Variants in HEMK2 observed in about 807,000 individuals in gnomAD.
HEMK2 encodes the protein HemK methyltransferase 2, ETF1 glutamine and histone H4 lysine, also known as methyltransferase HEMK2.
chr21:28,620,846 G>C, the HEMK2 span, among the ~76,000 whole-genome samples: 57 of 151,068 alleles, frequency 3.8e-4, no homozygotes, highest in African/African-American at 1.2e-3. Flanking sequence ...GCTTATTTTT[G>C]TATTTTTAGT....
chr21:28,878,481 C>T, the HEMK2 span: 2 of 786,518 alleles, frequency 2.5e-6, no homozygotes, highest in East Asian at 2.8e-5. Context: ...ATCTAAGTTT[C>T]ATCATTTTCT....
At chr21:28,576,454 G>T in the HEMK2 span, among the ~76,000 whole-genome samples, 1 of 92,698 alleles carries the variant, frequency 1.1e-5, no homozygotes, top group South Asian at 3.5e-4. Context: ...TTGAGATTTG[G>T]AATTTTTAAA....
the HEMK2 span, among the ~76,000 whole-genome samples, chr21:28,801,554 C>T: frequency 2.6e-5 from 4 of 151,686 alleles, no homozygotes; most frequent in African/African-American, 9.7e-5. Context: ...AAAAGCCAAT[C>T]AATAGGAAAA....
chr21:28,746,398 G>C, the HEMK2 span, among the ~76,000 whole-genome samples: 4 of 152,270 alleles, frequency 2.6e-5, no homozygotes, highest in African/African-American at 9.6e-5. Flanking sequence ...CATAGACATA[G>C]CATTGCCCTG....
chr21:28,795,410 T>C, the HEMK2 span, among the ~76,000 whole-genome samples: 1 of 152,166 alleles, frequency 6.6e-6, no homozygotes. Context: ...AAAAAAAATC[T>C]TTCTAATGAA....
At chr21:28,750,007 G>A in the HEMK2 span, among the ~76,000 whole-genome samples, 1 of 152,144 alleles carries the variant, frequency 6.6e-6, no homozygotes, top group Non-Finnish European at 1.5e-5. Flanking sequence ...CAATCTAATT[G>A]AACAGGCCAA....
chr21:28,877,355 A>G, the HEMK2 span, among the ~76,000 whole-genome samples: 1 of 149,912 alleles, frequency 6.7e-6, no homozygotes, highest in Non-Finnish European at 1.5e-5. Flanking sequence ...GGAAAGAAAA[A>G]AAAGAAAGAA....
chr21:28,691,558 C>T, the HEMK2 span, among the ~76,000 whole-genome samples: 20 of 152,188 alleles, frequency 1.3e-4, no homozygotes, highest in East Asian at 3.9e-3. Context: ...TGATCTTATA[C>T]ATATACTGCC....
chr21:28,750,356 A>G, the HEMK2 span, among the ~76,000 whole-genome samples: 6 of 152,192 alleles, frequency 3.9e-5, no homozygotes, highest in Non-Finnish European at 7.3e-5. Context: ...TAATAACTTC[A>G]GAAATAACCA....
the HEMK2 span, among the ~76,000 whole-genome samples, chr21:28,788,220 A>G: frequency 3.5e-5 from 5 of 141,400 alleles, no homozygotes; most frequent in East Asian, 1.9e-4. Context: ...GTATATATGT[A>G]TATATACACG....
the HEMK2 span, among the ~76,000 whole-genome samples, chr21:28,797,247 A>G: frequency 6.6e-6 from 1 of 152,178 alleles, no homozygotes; most frequent in Admixed American, 6.5e-5. Flanking sequence ...GAACAAAGGA[A>G]GGACAGGAAA....
chr21:28,824,776 T>G, the HEMK2 span, among the ~76,000 whole-genome samples: 1 of 152,212 alleles, frequency 6.6e-6, no homozygotes, highest in Admixed American at 6.5e-5. Context: ...TCTTGGCTTT[T>G]TTGTTGTTGT....
At chr21:28,713,108 T>C in the HEMK2 span, among the ~76,000 whole-genome samples, 1 of 152,314 alleles carries the variant, frequency 6.6e-6, no homozygotes, top group Admixed American at 6.5e-5. Flanking sequence ...CACCACAGGC[T>C]GAGTTTCCAA....
At chr21:28,657,843 T>C in the HEMK2 span, among the ~76,000 whole-genome samples, 46 of 152,136 alleles carry the variant, frequency 3.0e-4, no homozygotes, top group African/African-American at 1.1e-3. Context: ...GCTTCCTAGA[T>C]AGACTTGGAT....
At chr21:28,676,156 C>A in the HEMK2 span, among the ~76,000 whole-genome samples, 1 of 152,200 alleles carries the variant, frequency 6.6e-6, no homozygotes, top group African/African-American at 2.4e-5. Flanking sequence ...CTACCACAGA[C>A]TGGGTGGCTT....
chr21:28,705,987 A>C, the HEMK2 span, among the ~76,000 whole-genome samples: 84,056 of 151,640 alleles, frequency 0.55, 25,892 homozygotes, highest in East Asian at 0.84. Flanking sequence ...ATAATTTCTA[A>C]ATCTTAAAGT....
At chr21:28,865,156 C>G in the HEMK2 span, among the ~76,000 whole-genome samples, 1 of 152,000 alleles carries the variant, frequency 6.6e-6, no homozygotes, top group African/African-American at 2.4e-5. Context: ...TTTAGTTTTT[C>G]TTTTGTTTTG....
chr21:28,724,547 C>CTTGT, the HEMK2 span, among the ~76,000 whole-genome samples: 254 of 152,206 alleles, frequency 1.7e-3, 1 homozygote, highest in African/African-American at 5.6e-3. Flanking sequence ...AACTTAACTG[C>CTTGT]TTGTTTGTTT....
chr21:28,667,693 A>G, the HEMK2 span, among the ~76,000 whole-genome samples: 1 of 152,188 alleles, frequency 6.6e-6, no homozygotes, highest in Non-Finnish European at 1.5e-5. Context: ...AGAGGGTGAA[A>G]TTCATTTAAA....
Sources: allele counts gnomAD v4.1 joint callset (sites outside exome capture counted in the v4.1 genomes callset), GRCh38; gene constraint gnomAD v4.1.1; transcripts MANE v1.5; gene names NCBI Gene and HGNC (gene_info 2026-07-23, HGNC 2026-07-21).